PARVB: variants seen among roughly 807,000 people sequenced by gnomAD.
The protein encoded by PARVB is parvin beta, also known as beta-parvin.
Under a neutral mutation model 47.0 loss-of-function variants are expected in PARVB, and 46 were observed. That is an observed-to-expected ratio of 0.98 (90% CI 0.77 to 1.25). The LOEUF (loss-of-function observed/expected upper bound fraction) is 1.25. PARVB is among the 50% of genes most tolerant of loss of function. The pLI, the probability that PARVB is intolerant of heterozygous loss-of-function variation, is 0.00. For synonymous variants in PARVB, 196 were observed against 196.3 expected (o/e 1.00, Z 0.01); for missense variants, 473 against 471.6 (o/e 1.00, Z -0.03).
chr22:44,160,288 C>T (rs1244439111), intron 11 of PARVB, among the ~76,000 whole-genome samples: 1 of 152,214 alleles, frequency 6.6e-6, no homozygotes, highest in African/African-American at 2.4e-5. Flanking sequence ...TCCCCCTCAG[C>T]ATTACTGGAT....
intron 1 of PARVB, among the ~76,000 whole-genome samples, chr22:44,038,359 C>T (rs2050958328): frequency 6.6e-6 from 1 of 152,154 alleles, no homozygotes; most frequent in Admixed American, 6.5e-5. Flanking sequence ...CTTTCTGGGC[C>T]CTGGAGCTGT....
Position 44,155,271 on chromosome 22 carries a change from G to A in PARVB, c.844-2711G>A, listed in dbSNP as rs1056492789. On this transcript the variant is annotated intron_variant, in intron 10 of 12. Transcript: ENST00000338758. This position sits in a 1 kb window ranked among gnomAD's most constrained non-coding sequence, Gnocchi z 4.8. ...CACTGAGATCAAGTGGGCAGGGCTC[G>A]GCAGGGGTTAGCACTGCGGATGAGG... is the stretch of plus-strand genomic sequence containing the variant. Among the ~76,000 whole-genome samples, 5 of 152,274 alleles carry A rather than the reference G, an allele frequency of 3.3e-5. No homozygotes were observed. The highest frequency in any genetic ancestry group is 1.9e-4 in the East Asian group (1 of 5,174).
At chr22:44,165,391 C>T (rs2054144705) in intron 12 of PARVB, among the ~76,000 whole-genome samples, 1 of 152,210 alleles carries the variant, frequency 6.6e-6, no homozygotes, top group Non-Finnish European at 1.5e-5. Context: ...TGCTCGACAG[C>T]ACGGATCAAA....
intron 1 of PARVB, among the ~76,000 whole-genome samples, chr22:44,051,347 G>A (rs539109437): frequency 1.8e-4 from 27 of 152,274 alleles, no homozygotes; most frequent in African/African-American, 6.5e-4. Context: ...GATGAGGTGG[G>A]GACTGTTCGG....
rs11914255 is a variant in PARVB at position 44,163,237 on chromosome 22, A to G, written c.946-621A>G. On this transcript the variant is annotated intron_variant, in intron 11 of 12. Transcript: ENST00000338758. Reference sequence around the variant, plus strand: ...GTAATTCCAGCACTTTGGGAGGCTGAGGCGGGTGGATCATTTGAGCCCAAG... The same window carrying G: ...GTAATTCCAGCACTTTGGGAGGCTGGGGCGGGTGGATCATTTGAGCCCAAG... Among the ~76,000 whole-genome samples, 1,428 of 152,316 alleles carry G rather than the reference A, an allele frequency of 9.4e-3. 19 individuals carry two copies. The highest frequency in any genetic ancestry group is 0.032 in the African/African-American group (1,326 of 41,572).
intron 3 of PARVB, chr22:44,112,944 C>G (rs1191031042): frequency 1.1e-5 from 1 of 89,250 alleles, no homozygotes; most frequent in South Asian, 4.0e-4. Flanking sequence ...TGCACCAACA[C>G]AGATACGTTG....
At chr22:44,082,715 G>C (rs1446644973) in intron 1 of PARVB, among the ~76,000 whole-genome samples, 1 of 152,072 alleles carries the variant, frequency 6.6e-6, no homozygotes, top group Non-Finnish European at 1.5e-5. Flanking sequence ...CGTGCACCTG[G>C]AAGTCTTTCT....
At chr22:44,059,682 A>G (rs2051384239) in intron 1 of PARVB, among the ~76,000 whole-genome samples, 1 of 152,194 alleles carries the variant, frequency 6.6e-6, no homozygotes, top group African/African-American at 2.4e-5. Context: ...TTGGGTGTAC[A>G]TTCAGGTGTC....
chr22:44,083,252 A>G (rs941776548), intron 1 of PARVB, among the ~76,000 whole-genome samples: 2 of 152,196 alleles, frequency 1.3e-5, no homozygotes. Context: ...TCTTGTAGAA[A>G]TTATCTATGT....
chr22:44,061,117 G>A (rs113704385), intron 1 of PARVB, among the ~76,000 whole-genome samples: 1,958 of 152,108 alleles, frequency 0.013, 37 homozygotes, highest in African/African-American at 0.045. Flanking sequence ...CCCTCGCCAC[G>A]CGTGGGGACC....
At chr22:44,022,017 A>G (rs1198824351), upstream of PARVB, among the ~76,000 whole-genome samples, 1 of 152,064 alleles carries the variant, frequency 6.6e-6, no homozygotes, top group Non-Finnish European at 1.5e-5. Context: ...CCCAGTACAC[A>G]GGGGTATTAC....
At chr22:44,105,156 C>CT (rs1183566241) in intron 3 of PARVB, 1 of 152,214 alleles carries the variant, frequency 6.6e-6, no homozygotes. Context: ...GTGTGGCTGA[C>CT]TGTCCACATG....
At chr22:44,030,908 C>T (rs1179101739) in intron 1 of PARVB, among the ~76,000 whole-genome samples, 1 of 152,028 alleles carries the variant, frequency 6.6e-6, no homozygotes, top group Non-Finnish European at 1.5e-5. Flanking sequence ...CAGCGGGCCT[C>T]CTAGCCAACG....
chr22:44,028,798 G>C (rs1167470510), intron 1 of PARVB, among the ~76,000 whole-genome samples: 1 of 152,146 alleles, frequency 6.6e-6, no homozygotes, highest in African/African-American at 2.4e-5. Context: ...CCAGTATTTG[G>C]TGGTGTCAGT....
Position 44,058,203 on chromosome 22 carries a change from C to T in PARVB, c.112+33752C>T, listed in dbSNP as rs144999051. Among the ~76,000 whole-genome samples the T allele has an allele frequency of 4.8e-3, 728 of 152,276 alleles. 3 individuals carry two copies. The highest frequency in any genetic ancestry group is 8.1e-3 in the Non-Finnish European group (554 of 68,014). ...CTCCCAGCTCTGAAGACCAGAAGTC[C>T]AAGATCAAGGTGTCAGCAGGGCCTT... On this transcript the variant is annotated intron_variant, in intron 1 of 12. Transcript: ENST00000338758.
intron 4 of PARVB, among the ~76,000 whole-genome samples, chr22:44,130,267 C>T (rs1000753673): frequency 3.9e-5 from 6 of 152,338 alleles, no homozygotes; most frequent in Middle Eastern, 3.4e-3. Flanking sequence ...TCTGTGACGT[C>T]GCTTTTGTTG....
intron 8 of PARVB, 188 bp downstream of exon 8, chr22:44,140,331 C>G (rs887978090): frequency 8.3e-6 from 6 of 725,040 alleles, no homozygotes; most frequent in African/African-American, 1.7e-5. Context: ...GCTTGTTTCT[C>G]AGAGCTGAGA....
At chr22:44,163,387 A>G (rs1167747784) in intron 11 of PARVB, among the ~76,000 whole-genome samples, 1 of 152,226 alleles carries the variant, frequency 6.6e-6, no homozygotes, top group Admixed American at 6.5e-5. Flanking sequence ...CTGAGGCAGG[A>G]AGATGGCTTG....
intron 1 of PARVB, among the ~76,000 whole-genome samples, chr22:44,063,094 A>G (rs559212413): frequency 1.3e-5 from 2 of 152,124 alleles, no homozygotes; most frequent in South Asian, 2.1e-4. Context: ...GGGATTAGGA[A>G]CTTTGTGTCA....
Sources: gnomAD v4.1 joint callset for allele counts (sites outside exome capture counted in the v4.1 genomes callset) on GRCh38, gnomAD v4.1.1 for gene constraint, Gnocchi (gnomAD v3.1) non-coding constraint, MANE v1.5 for transcripts, NCBI Gene and HGNC (gene_info 2026-07-23, HGNC 2026-07-21) for gene names.